Variants in AASDHPPT observed in about 807,000 individuals in gnomAD.
AASDHPPT encodes the protein L-aminoadipate-semialdehyde dehydrogenase-phosphopantetheinyl transferase.
In AASDHPPT, 23 loss-of-function variants were observed where a neutral mutation model predicts 36.4. The ratio of observed to expected loss-of-function variants is 0.63; its 90% CI spans 0.45 to 0.89. The LOEUF (loss-of-function observed/expected upper bound fraction) is 0.89. Ranked by LOEUF, AASDHPPT falls within the 40% of genes least tolerant of loss-of-function variation. AASDHPPT has a pLI of 0.00. For synonymous variants in AASDHPPT, 115 were observed against 128.0 expected, an observed-to-expected ratio of 0.90 and a Z score of 0.68; for missense variants, 377 against 378.2, an observed-to-expected ratio of 1.00 and a Z score of 0.03.
At chr11:106,078,852 AG>A (rs1217318815) in intron 1 of AASDHPPT, among the ~76,000 whole-genome samples, 35 of 152,226 alleles carry the variant, frequency 2.3e-4, no homozygotes, top group African/African-American at 8.4e-4. Flanking sequence ...TAATAATTGG[AG>A]GTGGGAGAGA....
intron 2 of AASDHPPT, among the ~76,000 whole-genome samples, chr11:106,082,190 T>C (rs1336502607): frequency 6.6e-6 from 1 of 152,172 alleles, no homozygotes; most frequent in African/African-American, 2.4e-5. Context: ...GAAAAAGCTG[T>C]TGCTATGTCC....
chr11:106,082,231 A>C (rs180789908), intron 2 of AASDHPPT, among the ~76,000 whole-genome samples: 1 of 152,176 alleles, frequency 6.6e-6, no homozygotes, highest in East Asian at 1.9e-4. Flanking sequence ...AGATTTTCCA[A>C]TTGTCACTAG....
rs1033492685 is a variant in AASDHPPT at position 106,098,194 on chromosome 11, TTG to T, written c.*1289_*1290del. 1 of 152,148 alleles carries T rather than the reference TTG, an allele frequency of 6.6e-6. No individual in the cohort carries two copies. Among genetic ancestry groups the T allele is most frequent in the African/African-American group, 2.4e-5 (1 of 41,438 alleles). 9.4% of individuals were successfully genotyped at this position (152,148 alleles called of 1,614,324 possible). A position where few individuals can be genotyped will look rare whatever the true frequency, so the allele number is the denominator to read the frequency against. ...AAAAATGGTATGTCATTTTTAAAAT[TTG>T]TATTTCTTTCATTACAAATAAGATT... On this transcript the variant is annotated 3_prime_UTR_variant, in exon 6 of 6. Coordinates refer to ENST00000278618, the MANE Select transcript of AASDHPPT (RefSeq NM_015423.3).
At chr11:106,087,386 T>G (rs1206893745) in intron 2 of AASDHPPT, among the ~76,000 whole-genome samples, 1 of 152,150 alleles carries the variant, frequency 6.6e-6, no homozygotes, top group East Asian at 1.9e-4. Flanking sequence ...TATATAATTC[T>G]ATTATATACA....
chr11:106,097,026 A>G lies in AASDHPPT; in HGVS notation c.*119A>G. On this transcript the variant is annotated 3_prime_UTR_variant, in exon 6 of 6. Transcript: ENST00000278618. The stretch of plus-strand genomic sequence containing the variant: ...ACGAAAGTTTTTTTAAAGAACAGAA[A>G]CTTTTCCAATTAAAAAAAAAAAGCA... The G allele has an allele frequency of 9.3e-7, 1 of 1,073,176 alleles. No individual in the cohort carries two copies. The highest frequency in any genetic ancestry group is 1.3e-6 in the Non-Finnish European group (1 of 777,370). The allele number at this position is 1,073,176 out of a possible 1,614,324, so 66.5% of individuals were successfully genotyped here.
intron 2 of AASDHPPT, among the ~76,000 whole-genome samples, chr11:106,084,834 C>T (rs1469404800): frequency 6.6e-6 from 1 of 151,446 alleles, no homozygotes; most frequent in Admixed American, 6.6e-5. Context: ...AGGCTGGTCT[C>T]GAACTTCTGA....
rs1367873602 is a variant in AASDHPPT, at chr11:106,077,802, C to A, written c.92C>A (p.Ala31Asp). Residue 31 changes from alanine (A) to aspartate (D), a missense_variant, in exon 1 of 6, where the codon GCC becomes GAC. Transcript: ENST00000278618. ...FSCGTWLPSRAEWLLAVRSIQ... is the reference protein window; with the variant it reads ...FSCGTWLPSRDEWLLAVRSIQ... ...TGCGGCACTTGGCTGCCGAGCCGAG[C>A]CGAATGGCTGCTGGCAGTGCGATCG... 1 of 1,614,092 alleles carries A rather than the reference C, an allele frequency of 6.2e-7. No individual in the cohort carries two copies. The highest frequency in any genetic ancestry group is 8.5e-7 in the Non-Finnish European group (1 of 1,180,026).
chr11:106,077,982 T>C (rs1861080174), intron 1 of AASDHPPT, 89 bp downstream of exon 1: 1 of 1,462,432 alleles, frequency 6.8e-7, no homozygotes, highest in Non-Finnish European at 9.2e-7. Flanking sequence ...ACTCCCGCGC[T>C]GGCCGCGACC....
chr11:106,079,436 G>C (rs574068024), intron 1 of AASDHPPT, 31 bp from the exon 2 acceptor site: 2 of 1,545,760 alleles, frequency 1.3e-6, no homozygotes, highest in East Asian at 4.7e-5. Flanking sequence ...GTAGACATCA[G>C]TACATACCAA....
chr11:106,079,375 T>C, intron 1 of AASDHPPT, 92 bp from the exon 2 acceptor site: 2 of 1,170,646 alleles, frequency 1.7e-6, no homozygotes, highest in South Asian at 1.7e-5. Flanking sequence ...AAAATGAAAA[T>C]TTTAGAAACC....
chr11:106,088,766 C>T (rs1228705293), intron 2 of AASDHPPT, among the ~76,000 whole-genome samples: 1 of 151,916 alleles, frequency 6.6e-6, no homozygotes, highest in Non-Finnish European at 1.5e-5. Context: ...ATCCATGGCC[C>T]CAAAAGGGGT....
At chr11:106,087,235 C>T (rs1377855497) in intron 2 of AASDHPPT, among the ~76,000 whole-genome samples, 1 of 152,106 alleles carries the variant, frequency 6.6e-6, no homozygotes, top group East Asian at 1.9e-4. Flanking sequence ...TTTGTGAAAC[C>T]TATATTGGCA....
At chr11:106,088,066 A>C (rs934719662) in intron 2 of AASDHPPT, among the ~76,000 whole-genome samples, 4 of 152,258 alleles carry the variant, frequency 2.6e-5, no homozygotes, top group African/African-American at 4.8e-5. Context: ...TATTTACGAA[A>C]TCACCTTTTC....
intron 2 of AASDHPPT, among the ~76,000 whole-genome samples, chr11:106,087,968 G>A (rs1217041656): frequency 3.9e-5 from 6 of 152,082 alleles, no homozygotes; most frequent in Non-Finnish European, 1.5e-5. Flanking sequence ...AGTTTCCTAG[G>A]TAAACTGCAC....
intron 2 of AASDHPPT, among the ~76,000 whole-genome samples, chr11:106,089,811 T>C (rs897896335): frequency 2.0e-5 from 3 of 152,030 alleles, no homozygotes; most frequent in African/African-American, 7.2e-5. Context: ...AGTTGTATCT[T>C]TTGTCATTTA....
rs758683719 is a variant in AASDHPPT at position 106,079,630 on chromosome 11, C to T, written c.347C>T (p.Ala116Val). Reference protein sequence around the residue: ...NFNISHQGDYAVLAAEPELQV... With the variant: ...NFNISHQGDYVVLAAEPELQV... The stretch of plus-strand genomic sequence containing the variant: ...AACATCTCTCATCAAGGAGACTATG[C>T]AGTGCTTGCTGCTGAACCTGAGCTG... The change falls in exon 2 of 6, where the codon GCA (alanine) becomes GTA (valine). Residue 116 changes from alanine (A) to valine (V), a missense_variant. By Grantham distance (64) the Ala-to-Val change is moderately conservative. Transcript: ENST00000278618. The T allele has an allele frequency of 1.2e-6, 2 of 1,614,174 alleles. No homozygotes were observed. Among genetic ancestry groups the T allele is most frequent in the Admixed American group, 1.7e-5 (1 of 60,016 alleles).
intron 2 of AASDHPPT, 54 bp from the exon 3 acceptor site, chr11:106,090,503 A>G: frequency 6.9e-7 from 1 of 1,456,552 alleles, no homozygotes. Flanking sequence ...TAATAGAGCA[A>G]CTTTTTATTT....
intron 4 of AASDHPPT, chr11:106,093,275 T>C (rs1171153751): frequency 6.6e-6 from 1 of 152,212 alleles, no homozygotes; most frequent in Non-Finnish European, 1.5e-5. Flanking sequence ...CAACTATCAA[T>C]TGTTAGTGTA....
chr11:106,094,757 A>AT (rs912133448), intron 5 of AASDHPPT, 103 bp downstream of exon 5: 3 of 840,654 alleles, frequency 3.6e-6, no homozygotes, highest in Non-Finnish European at 5.4e-6. Context: ...GTTTAGAGAG[A>AT]TTTTTTTAAG....
Sources: gnomAD v4.1 joint callset for allele counts (sites outside exome capture counted in the v4.1 genomes callset) on GRCh38, gnomAD v4.1.1 for gene constraint, MANE v1.5 for transcripts, NCBI Gene and HGNC (gene_info 2026-07-23, HGNC 2026-07-21) for gene names.